The following SHCBP1 variants were observed in gnomAD, a reference collection of about 807,000 sequenced individuals.
SHCBP1 encodes the protein SHC SH2 domain-binding protein 1.
A neutral mutation model predicts 75.1 loss-of-function variants in SHCBP1; 60 were observed. That is an observed-to-expected ratio of 0.80 (90% confidence interval 0.65 to 0.99). SHCBP1 has a LOEUF of 0.99. Ranked by LOEUF, SHCBP1 falls within the 50% of genes least tolerant of loss-of-function variation. The probability of loss-of-function intolerance (pLI) is 0.00; values close to 1 mark genes in which losing one functional copy is unlikely to be tolerated. For missense variants in SHCBP1, 709 were observed against 809.4 expected (o/e 0.88, Z 1.50); for synonymous variants, 290 against 293.2 (o/e 0.99, Z 0.11).
intron 5 of SHCBP1, among the ~76,000 whole-genome samples, chr16:46,607,873 T>C (rs1167857203): frequency 1.3e-5 from 2 of 152,238 alleles, no homozygotes; most frequent in Non-Finnish European, 2.9e-5. Context: ...AAGTATTCTT[T>C]ACAAAATTAA....
rs951693761 is a variant in SHCBP1 at position 46,578,647 on chromosome 16, A to C, written c.*3082T>G. 6.6e-6 allele frequency among the ~76,000 whole-genome samples: 1 copy of C among 152,174 alleles called. No homozygotes were observed. Among genetic ancestry groups the C allele is most frequent in the African/African-American group, 2.4e-5 (1 of 41,472 alleles). ...TAATAGTGAGAACTAAAAAAAGAGG[A>C]GAATGTTCACCACATATAAGACTTT... On this transcript the variant is annotated 3_prime_UTR_variant, in exon 13 of 13. Transcript: ENST00000303383.
intron 10 of SHCBP1, among the ~76,000 whole-genome samples, chr16:46,584,702 C>A (rs961800630): frequency 1.5e-4 from 23 of 152,266 alleles, no homozygotes; most frequent in Non-Finnish European, 5.9e-5. Context: ...TGACACTATT[C>A]TCTCATACCT....
chr16:46,585,202 C>T (rs1964938268), intron 10 of SHCBP1, among the ~76,000 whole-genome samples: 1 of 152,110 alleles, frequency 6.6e-6, no homozygotes, highest in African/African-American at 2.4e-5. Flanking sequence ...AGTCATGTAG[C>T]AAGTGAAAGT....
chr16:46,595,610 ACTCCGGTCGTCT>A lies in SHCBP1; in HGVS notation c.1394_1405del (p.Glu465_Gly468del). The A allele has an allele frequency of 6.2e-7, 1 of 1,614,026 alleles. No individual in the cohort carries two copies. The highest frequency in any genetic ancestry group is 1.1e-5 in the South Asian group (1 of 91,066). On this transcript the variant is annotated inframe_deletion, in exon 10 of 13. Transcript: ENST00000303383. ...AAACTCTGCTGATGTCCGCACTGTG[ACTCCGGTCGTCT>A]CACACTGCAGCACACAGTTTTCCAG...
At chr16:46,615,638 G>C (rs1402189516) in intron 4 of SHCBP1, among the ~76,000 whole-genome samples, 2 of 152,090 alleles carry the variant, frequency 1.3e-5, no homozygotes, top group African/African-American at 4.8e-5. Context: ...TACTCGAGAG[G>C]CTGAGGCAGG....
intron 10 of SHCBP1, among the ~76,000 whole-genome samples, chr16:46,586,234 A>C (rs1182337892): frequency 1.3e-5 from 2 of 152,218 alleles, no homozygotes; most frequent in Non-Finnish European, 2.9e-5. Context: ...ACACACATAA[A>C]ACCAATGAAA....
intron 9 of SHCBP1, 49 bp downstream of exon 9, chr16:46,599,775 AACCGTTT>A (rs544429316): frequency 1.3e-4 from 199 of 1,481,322 alleles, no homozygotes; most frequent in Non-Finnish European, 1.8e-4. Flanking sequence ...CCATAGAGAG[AACCGTTT>A]ACCTTCAAAT....
chr16:46,603,442 T>C (rs921257110), intron 8 of SHCBP1, 97 bp downstream of exon 8: 2 of 1,547,918 alleles, frequency 1.3e-6, no homozygotes, highest in Non-Finnish European at 1.8e-6. Context: ...TCAAATGGGT[T>C]CAAATCACAT....
chr16:46,589,952 G>C (rs1177968474), intron 10 of SHCBP1, among the ~76,000 whole-genome samples: 2 of 152,106 alleles, frequency 1.3e-5, no homozygotes, highest in Admixed American at 6.6e-5. Context: ...AAACAGCATG[G>C]TACTGGTACC....
intron 12 of SHCBP1, 69 bp from the exon 13 acceptor site, chr16:46,582,123 C>T: frequency 1.4e-6 from 2 of 1,463,382 alleles, no homozygotes; most frequent in Non-Finnish European, 1.8e-6. Flanking sequence ...TATATTTCTA[C>T]ACAGTCTTCT....
intron 10 of SHCBP1, among the ~76,000 whole-genome samples, chr16:46,592,231 G>C (rs1360181915): frequency 2.6e-5 from 4 of 151,918 alleles, no homozygotes; most frequent in Non-Finnish European, 5.9e-5. Context: ...TCAAAAGAGA[G>C]AAGACACAAA....
chr16:46,610,707 C>T (rs375847358), intron 4 of SHCBP1, among the ~76,000 whole-genome samples: 44 of 151,302 alleles, frequency 2.9e-4, no homozygotes, highest in East Asian at 5.8e-4. Context: ...TACAGGCACG[C>T]GCTACCACGC....
chr16:46,615,181 T>A lies in SHCBP1; in HGVS notation c.596+765A>T, dbSNP rs142770840. Reference sequence around the variant, plus strand: ...TTATGAATTTCTTAACATTTCCTTTTTTCTAGCACTTTATTATAAGATAAT... The same window carrying A: ...TTATGAATTTCTTAACATTTCCTTTATTCTAGCACTTTATTATAAGATAAT... On this transcript the variant is annotated intron_variant, in intron 4 of 12. Coordinates refer to ENST00000303383, the MANE Select transcript of SHCBP1 (RefSeq NM_024745.5). Among the ~76,000 whole-genome samples the A allele has an allele frequency of 5.5e-3, 834 of 152,352 alleles. 6 individuals are homozygous for A. The highest frequency in any genetic ancestry group is 9.1e-3 in the Non-Finnish European group (617 of 68,032).
At chr16:46,603,443 C>G in intron 8 of SHCBP1, 96 bp downstream of exon 8, 1 of 1,548,500 alleles carries the variant, frequency 6.5e-7, no homozygotes, top group African/African-American at 1.4e-5. Flanking sequence ...CAAATGGGTT[C>G]AAATCACATT....
At chr16:46,609,734 G>A (rs956460112) in intron 4 of SHCBP1, among the ~76,000 whole-genome samples, 3 of 151,826 alleles carry the variant, frequency 2.0e-5, no homozygotes, top group Non-Finnish European at 2.9e-5. Context: ...TTACAGGCAT[G>A]AGCCACCGTG....
At chr16:46,619,144 A>C (rs1394815313) in intron 1 of SHCBP1, among the ~76,000 whole-genome samples, 2 of 152,240 alleles carry the variant, frequency 1.3e-5, no homozygotes, top group African/African-American at 4.8e-5. Flanking sequence ...CAGAAAATGC[A>C]AATCACATTA....
rs1234648935 is a variant in SHCBP1 at position 46,580,686 on chromosome 16, T to A, written c.*1043A>T. The A allele has an allele frequency of 6.6e-6, 1 of 152,194 alleles. No homozygotes were observed. Among genetic ancestry groups the A allele is most frequent in the African/African-American group, 2.4e-5 (1 of 41,448 alleles). The allele number at this position is 152,194 out of a possible 1,614,324, so 9.4% of individuals were successfully genotyped here. A position where few individuals can be genotyped will look rare whatever the true frequency, so the allele number is the denominator to read the frequency against. On this transcript the variant is annotated 3_prime_UTR_variant, in exon 13 of 13. Coordinates refer to ENST00000303383, the MANE Select transcript of SHCBP1 (RefSeq NM_024745.5). ...CACCCAGCAGATACAGGTTGTACAG[T>A]TAATCATTTTGACTGTGTCAGTAAT...
Position 46,584,009 on chromosome 16 carries a change from G to A in SHCBP1, c.1545C>T (p.Leu515=), listed in dbSNP as rs1275056227. Residue 515 remains leucine, a synonymous_variant, in exon 11 of 13, where the codon CTC becomes CTT. Transcript: ENST00000303383. ...NGIHHCKEGI[L]IKDFLDEHYD... is the part of the protein sequence containing the mutation. ...TGTTTTGGCTGATGCTCACCTTAAT[G>A]AGGATCCCTTCCTTGCAGTGATGGA... is the stretch of plus-strand genomic sequence containing the variant. 1 of 1,605,420 alleles carries A rather than the reference G, an allele frequency of 6.2e-7. No homozygotes were observed. Among genetic ancestry groups the A allele is most frequent in the Admixed American group, 1.7e-5 (1 of 59,126 alleles).
intron 10 of SHCBP1, among the ~76,000 whole-genome samples, chr16:46,585,635 C>T (rs1472018645): frequency 2.0e-5 from 3 of 152,144 alleles, no homozygotes; most frequent in Admixed American, 1.3e-4. Context: ...TCATCCCCAC[C>T]AACCACAGTT....
Sources: allele counts gnomAD v4.1 joint callset (sites outside exome capture counted in the v4.1 genomes callset), GRCh38; gene constraint gnomAD v4.1.1; transcripts MANE v1.5; gene names NCBI Gene and HGNC (gene_info 2026-07-23, HGNC 2026-07-21).